PKIB: variants seen among roughly 807,000 people sequenced by gnomAD.
The protein encoded by PKIB is cAMP-dependent protein kinase inhibitor beta.
PKIB carries 2 observed loss-of-function variants against 4.5 expected under a neutral mutation model. The observed-to-expected ratio is 0.44, with a 90% confidence interval of 0.18 to 1.39. The LOEUF is 1.39. Among genes scored for constraint, PKIB ranks in the 40% most tolerant of loss-of-function variants. PKIB has a pLI of 0.27. For synonymous variants in PKIB, 38 were observed against 36.0 expected (o/e 1.06, Z -0.20); for missense variants, 94 against 92.6 (o/e 1.02, Z -0.06).
chr6:122,612,325 A>G (rs1774793303), intron 1 of PKIB, among the ~76,000 whole-genome samples: 1 of 152,160 alleles, frequency 6.6e-6, no homozygotes, highest in African/African-American at 2.4e-5. Context: ...AAAATTTGTT[A>G]ATTTTCTAAA....
chr6:122,637,372 G>A (rs1775959293), intron 2 of PKIB, among the ~76,000 whole-genome samples: 1 of 152,046 alleles, frequency 6.6e-6, no homozygotes, highest in South Asian at 2.1e-4. Flanking sequence ...AAATTTTTCT[G>A]GGATAGTACT....
At chr6:122,689,673 A>G (rs1778243516) in intron 3 of PKIB, among the ~76,000 whole-genome samples, 1 of 152,216 alleles carries the variant, frequency 6.6e-6, no homozygotes, top group South Asian at 2.1e-4. Context: ...GTGGTCTAAC[A>G]TATGGTCTAT....
At chr6:122,564,446 T>C (rs376968258) in intron 2 of PKIB, among the ~76,000 whole-genome samples, 11 of 152,312 alleles carry the variant, frequency 7.2e-5, no homozygotes, top group African/African-American at 2.4e-4. Context: ...TTGCTTTGTG[T>C]TTGTCTGTCA....
Position 122,487,950 on chromosome 6 carries a change from G to A in PKIB, c.-248+10011G>A, listed in dbSNP as rs527471763. Among the ~76,000 whole-genome samples, 3 of 152,180 alleles carry A rather than the reference G, an allele frequency of 2.0e-5. No homozygotes were observed. In the South Asian group the frequency reaches 6.2e-4, roughly 32 times the overall value. On this transcript the variant is annotated intron_variant, in intron 2 of 6. Coordinates refer to the PKIB transcript ENST00000392491. ...ACTGATGATAACACATTTATCACTC[G>A]TTTAAAGTGATATCTTCCAGGTTTC...
intron 3 of PKIB, among the ~76,000 whole-genome samples, chr6:122,598,422 T>G (rs1774243267): frequency 6.6e-6 from 1 of 152,214 alleles, no homozygotes; most frequent in Non-Finnish European, 1.5e-5. Flanking sequence ...CCTTTCACAG[T>G]TGAGTGCTGC....
chr6:122,567,313 C>T (rs1447622360), intron 2 of PKIB, among the ~76,000 whole-genome samples: 2 of 152,172 alleles, frequency 1.3e-5, no homozygotes, highest in Non-Finnish European at 2.9e-5. Flanking sequence ...AAAAGATACC[C>T]TTTGAAGTGT....
chr6:122,546,289 A>G (rs935770013), intron 2 of PKIB, among the ~76,000 whole-genome samples: 11 of 151,956 alleles, frequency 7.2e-5, no homozygotes, highest in African/African-American at 2.7e-4. Flanking sequence ...GTTGGACCCA[A>G]TACATCCTAA....
At chr6:122,531,795 T>A (rs747281442) in intron 2 of PKIB, among the ~76,000 whole-genome samples, 17 of 152,222 alleles carry the variant, frequency 1.1e-4, no homozygotes, top group Non-Finnish European at 2.5e-4. Flanking sequence ...GTGAATTGCT[T>A]AAGGCTGGGA....
chr6:122,476,681 C>T (rs1422968561), intron 1 of PKIB, among the ~76,000 whole-genome samples: 3 of 152,098 alleles, frequency 2.0e-5, no homozygotes, highest in Admixed American at 2.0e-4. Flanking sequence ...AAGTGGATAG[C>T]AAATTCAAAT....
intron 2 of PKIB, chr6:122,479,720 C>A (rs1282858337): frequency 2.6e-5 from 4 of 152,190 alleles, no homozygotes; most frequent in African/African-American, 9.7e-5. Flanking sequence ...ACTCCCCAAA[C>A]CCAACATCAG....
chr6:122,640,008 T>A (rs771454234), intron 2 of PKIB, among the ~76,000 whole-genome samples: 5 of 152,172 alleles, frequency 3.3e-5, no homozygotes, highest in African/African-American at 4.8e-5. Context: ...CACTTACTCT[T>A]AGGCTTTGAC....
intron 3 of PKIB, among the ~76,000 whole-genome samples, chr6:122,706,856 G>A (rs1008816705): frequency 6.6e-6 from 1 of 151,574 alleles, no homozygotes; most frequent in Non-Finnish European, 1.5e-5. Flanking sequence ...ATACACAAAG[G>A]GAATAACTAT....
At chr6:122,700,725 A>G (rs1190419254) in intron 3 of PKIB, among the ~76,000 whole-genome samples, 1 of 152,208 alleles carries the variant, frequency 6.6e-6, no homozygotes, top group Non-Finnish European at 1.5e-5. Flanking sequence ...GTTTTTAGCT[A>G]GGTGAAATTG....
chr6:122,494,994 C>A (rs1257978202), intron 2 of PKIB, among the ~76,000 whole-genome samples: 3 of 152,188 alleles, frequency 2.0e-5, no homozygotes, highest in East Asian at 1.9e-4. Context: ...GGACTTGGAC[C>A]CTTGGTGTCA....
At chr6:122,488,073 T>A (rs1163282307) in intron 2 of PKIB, among the ~76,000 whole-genome samples, 2 of 152,186 alleles carry the variant, frequency 1.3e-5, no homozygotes, top group Non-Finnish European at 2.9e-5. Context: ...ATTTACCCAT[T>A]CATTTCAGCA....
At chr6:122,698,898 C>G (rs7750349) in intron 3 of PKIB, among the ~76,000 whole-genome samples, 150,574 of 152,356 alleles carry the variant, frequency 0.99, 74,429 homozygotes, top group East Asian at 1. Flanking sequence ...GCAGCTTTTG[C>G]TTTACCAAAT....
In PKIB at chr6:122,652,123, A is replaced by T. The variant is rs1449757428; in HGVS notation, c.-76+18756A>T. Among the ~76,000 whole-genome samples the T allele has an allele frequency of 2.0e-5, 3 of 152,134 alleles. No homozygotes were observed. The East Asian group carries it at 5.8e-4, about 29-fold the overall frequency. ...CCAATTCATAAAGCTTATCCTTAAA[A>T]ATTCTATTCTTATGGAACCACTCTT... On this transcript the variant is annotated intron_variant, in intron 2 of 4. Transcript: ENST00000368452.
chr6:122,707,201 T>G (rs960445164), intron 3 of PKIB, among the ~76,000 whole-genome samples: 6 of 152,090 alleles, frequency 3.9e-5, no homozygotes, highest in Admixed American at 1.3e-4. Flanking sequence ...GGTTGGGATT[T>G]TTTTTCCTCT....
chr6:122,507,217 C>T (rs112003396), intron 2 of PKIB, among the ~76,000 whole-genome samples: 5 of 151,906 alleles, frequency 3.3e-5, no homozygotes, highest in African/African-American at 9.7e-5. Flanking sequence ...GATAGTTGGC[C>T]CTATGTAAAG....
Sources: allele counts gnomAD v4.1 joint callset (sites outside exome capture counted in the v4.1 genomes callset), GRCh38; gene constraint gnomAD v4.1.1; transcripts MANE v1.5; gene names NCBI Gene and HGNC (gene_info 2026-07-23, HGNC 2026-07-21).